The following RAD54L variants were observed in gnomAD, a reference collection of about 807,000 sequenced individuals.
RAD54L encodes the protein DNA repair and recombination protein RAD54-like.
RAD54L carries 74 observed loss-of-function variants against 91.6 expected under a neutral mutation model. The ratio of observed to expected loss-of-function variants is 0.81; its 90% confidence interval spans 0.67 to 0.98. RAD54L has a LOEUF of 0.98. Among genes scored for constraint, RAD54L ranks in the 50% least tolerant of loss-of-function variants. The pLI is 0.00. For synonymous variants in RAD54L, 304 were observed against 349.7 expected, an observed-to-expected ratio of 0.87 and a Z score of 1.46; for missense variants, 887 against 945.7, an observed-to-expected ratio of 0.94 and a Z score of 0.81.
At position 46,274,143 on chromosome 1, in the gene RAD54L, T is replaced by C. The variant is rs759403036; in HGVS notation, c.1616T>C (p.Leu539Ser). ...FEKLCRARRYLYVRLDGTMSI... is the reference protein window; with the variant it reads ...FEKLCRARRYSYVRLDGTMSI... Reference sequence around the variant, plus strand: ...GGTCTCGAATCCCCCTTCAGGTACTTATACGTCCGCCTGGATGGCACGATG... The same window carrying C: ...GGTCTCGAATCCCCCTTCAGGTACTCATACGTCCGCCTGGATGGCACGATG... The change falls in exon 15 of 18, where the codon TTA (leucine) becomes TCA (serine). Residue 539 changes from leucine (L) to serine (S), a missense_variant. Coordinates refer to ENST00000371975, the MANE Select transcript of RAD54L (RefSeq NM_003579.4). 3.2e-5 allele frequency: 51 copies of C among 1,612,636 alleles called. No homozygotes were observed. In the Admixed American group the frequency reaches 4.7e-4, roughly 15 times the overall value.
intron 3 of RAD54L, among the ~76,000 whole-genome samples, chr1:46,252,229 A>G (rs539781950): frequency 1.4e-4 from 22 of 152,202 alleles, no homozygotes; most frequent in Admixed American, 1.1e-3. Flanking sequence ...GTGGTGAGAG[A>G]TGAGAGTTGG....
chr1:46,251,185 G>T (rs1659788653), intron 3 of RAD54L, among the ~76,000 whole-genome samples: 1 of 150,134 alleles, frequency 6.7e-6, no homozygotes, highest in African/African-American at 2.5e-5. Context: ...GGTGGTGCAT[G>T]CCTGTAATCC....
chr1:46,251,589 G>GT (rs1276342616), intron 3 of RAD54L, among the ~76,000 whole-genome samples: 2 of 152,034 alleles, frequency 1.3e-5, no homozygotes, highest in Non-Finnish European at 2.9e-5. Context: ...CTAATACATT[G>GT]TTTAATTGGT....
intron 3 of RAD54L, among the ~76,000 whole-genome samples, chr1:46,251,522 T>TA (rs1291478480): frequency 6.6e-6 from 1 of 152,024 alleles, no homozygotes; most frequent in Non-Finnish European, 1.5e-5. Context: ...AGCATACATA[T>TA]AAAAATCACT....
At position 46,259,830 on chromosome 1, in the gene RAD54L, G is replaced by A. The variant is rs1034680482; in HGVS notation, c.272-134G>A. 1.7e-5 allele frequency: 20 copies of A among 1,183,408 alleles called. No individual in the cohort carries two copies. The African/African-American group carries it at 2.9e-4, about 17-fold the overall frequency. 73.3% of individuals were successfully genotyped at this position (1,183,408 alleles called of 1,614,324 possible). ...GGTCATATAGAGATGCCCAAACTGA[G>A]TTTGGAGGCATTCTCAGAGAGAGAG... On this transcript the variant is annotated intron_variant, in intron 4 of 17. Coordinates refer to ENST00000371975, the MANE Select transcript of RAD54L (RefSeq NM_003579.4).
rs745836285 is a variant in RAD54L at position 46,278,055 on chromosome 1, G to A, written c.2034-17G>A. ...GATGGGATCTGTAGTGACTTCAGCT[G>A]TGCCTTCTGTCCCTAGGTTGCACTG... On this transcript the variant is annotated splice_polypyrimidine_tract_variant and intron_variant, in intron 17 of 17. Transcript: ENST00000371975. The A allele has an allele frequency of 3.1e-6, 5 of 1,614,018 alleles. No homozygotes were observed. The South Asian group carries it at 5.5e-5, about 18-fold the overall frequency.
In RAD54L at chr1:46,249,991, C is replaced by G. The variant is rs377018734; in HGVS notation, c.91-9C>G. The G allele has an allele frequency of 5.0e-5, 81 of 1,613,650 alleles. No homozygotes were observed. Among genetic ancestry groups the G allele is most frequent in the South Asian group, 3.0e-4 (27 of 91,076 alleles). ...TCTAGACTTCACCTTTCCCAATTCTCTCTCCTAGACTCCTAGGAAACGGAA... is the reference window on the plus strand; with the variant it reads ...TCTAGACTTCACCTTTCCCAATTCTGTCTCCTAGACTCCTAGGAAACGGAA... On this transcript the variant is annotated splice_polypyrimidine_tract_variant and intron_variant, in intron 2 of 17. Coordinates refer to ENST00000371975, the MANE Select transcript of RAD54L (RefSeq NM_003579.4).
intron 3 of RAD54L, among the ~76,000 whole-genome samples, chr1:46,250,960 C>T (rs12729180): frequency 7.2e-6 from 1 of 138,550 alleles, no homozygotes; most frequent in Admixed American, 7.3e-5. Context: ...AAGAGTGAGA[C>T]TCGGTCTCAA....
intron 4 of RAD54L, 67 bp from the exon 5 acceptor site, chr1:46,259,897 A>T: frequency 6.2e-7 from 1 of 1,608,388 alleles, no homozygotes; most frequent in Admixed American, 1.7e-5. Flanking sequence ...AAGGACAAGT[A>T]TTTGAGCTGG....
intron 8 of RAD54L, 55 bp downstream of exon 8, chr1:46,261,440 A>G: frequency 6.2e-7 from 1 of 1,605,278 alleles, no homozygotes; most frequent in Non-Finnish European, 8.5e-7. Flanking sequence ...AAATCTCTTC[A>G]CTGAGTATTG....
rs60121285 is a variant in RAD54L at position 46,267,461 on chromosome 1, A to G, written c.894A>G (p.Gly298=). The change falls in exon 9 of 18, where the codon GGA becomes GGG. Residue 298 remains glycine (G), a splice_region_variant and synonymous_variant. Transcript: ENST00000371975. ...TCTGAATAAGGATTCTCTTGCAGGG[A>G]CACAGGCTCAAGAACTCTGAGAATC... The part of the protein sequence containing the change: ...GSVGLVICDE[G]HRLKNSENQT... 1.5e-3 allele frequency: 2,411 copies of G among 1,614,002 alleles called. 34 individuals are homozygous for G. The African/African-American group carries it at 0.024, about 16-fold the overall frequency.
At chr1:46,259,790 G>A (rs1388125374) in intron 4 of RAD54L, among the ~76,000 whole-genome samples, 174 bp from the exon 5 acceptor site, 1 of 150,634 alleles carries the variant, frequency 6.6e-6, no homozygotes, top group Non-Finnish European at 1.5e-5. Flanking sequence ...AAAAAAAAAA[G>A]CTGAATGGGA....
chr1:46,267,226 G>A (rs140458571), intron 8 of RAD54L, among the ~76,000 whole-genome samples: 50 of 152,282 alleles, frequency 3.3e-4, no homozygotes, highest in African/African-American at 1.1e-3. Context: ...ACTATGCCCA[G>A]CTAATTTTTG....
chr1:46,273,872 C>T (rs1222338998), intron 14 of RAD54L, 125 bp downstream of exon 14: 1 of 1,370,182 alleles, frequency 7.3e-7, no homozygotes, highest in Non-Finnish European at 1.0e-6. Flanking sequence ...AGATATCTTC[C>T]CTTATTGCTA....
chr1:46,267,562 T>A lies in RAD54L; in HGVS notation c.995T>A (p.Leu332Gln). 1 of 1,613,570 alleles carries A rather than the reference T, an allele frequency of 6.2e-7. No homozygotes were observed. The highest frequency in any genetic ancestry group is 8.5e-7 in the Non-Finnish European group (1 of 1,179,468). ...TCCGGAACTCCCATCCAGAATGATCTGCTTGAGTATTTCAGCTTGGTACAT... is the reference window on the plus strand; with the variant it reads ...TCCGGAACTCCCATCCAGAATGATCAGCTTGAGTATTTCAGCTTGGTACAT... The part of the protein sequence containing the change: ...LISGTPIQND[L>Q]LEYFSLVHFV... Residue 332 changes from leucine (L) to glutamine (Q), a missense_variant, in exon 9 of 18, where the codon CTG becomes CAG. Leu to Gln is a moderately radical substitution (Grantham distance 113). Coordinates refer to ENST00000371975, the MANE Select transcript of RAD54L (RefSeq NM_003579.4).
At position 46,272,770 on chromosome 1, in the gene RAD54L, C is replaced by T. The variant is rs746819393; in HGVS notation, c.1343C>T (p.Ser448Phe). 1 of 1,614,192 alleles carries T rather than the reference C, an allele frequency of 6.2e-7. No homozygotes were observed. The highest frequency in any genetic ancestry group is 8.5e-7 in the Non-Finnish European group (1 of 1,180,036). Residue 448 changes from serine (S) to phenylalanine (F), a missense_variant, in exon 12 of 18, where the codon TCT becomes TTT. By Grantham distance (155) the Ser-to-Phe change is radical. Transcript: ENST00000371975. The stretch of plus-strand genomic sequence containing the variant: ...GGCAAGATGAGTGTGTCTTCCCTTT[C>T]TTCCATCACCTCGCTAAAGAAGCTT... ...LEGKMSVSSL[S>F]SITSLKKLCN... is the part of the protein sequence containing the mutation.
At chr1:46,258,091 T>C (rs1659992356) in intron 3 of RAD54L, among the ~76,000 whole-genome samples, 1 of 152,122 alleles carries the variant, frequency 6.6e-6, no homozygotes, top group South Asian at 2.1e-4. Flanking sequence ...TTGCCCAGGC[T>C]GGTCTCGAAC....
At chr1:46,260,171 T>C in intron 5 of RAD54L, 72 bp downstream of exon 5, 1 of 1,594,210 alleles carries the variant, frequency 6.3e-7, no homozygotes, top group South Asian at 1.1e-5. Context: ...GGGCAGAGGG[T>C]ATTTTGGTGT....
chr1:46,252,180 G>C (rs1321340479), intron 3 of RAD54L, among the ~76,000 whole-genome samples: 2 of 152,182 alleles, frequency 1.3e-5, no homozygotes, highest in Non-Finnish European at 2.9e-5. Context: ...CAGCAATAGA[G>C]GCAGGTACTG....
Sources: gnomAD v4.1 joint callset for allele counts (sites outside exome capture counted in the v4.1 genomes callset) on GRCh38, gnomAD v4.1.1 for gene constraint, MANE v1.5 for transcripts, NCBI Gene and HGNC (gene_info 2026-07-23, HGNC 2026-07-21) for gene names.